The following SERGEF variants were observed in gnomAD, a reference collection of about 807,000 sequenced individuals.
SERGEF encodes secretion regulating guanine nucleotide exchange factor, also known as secretion-regulating guanine nucleotide exchange factor.
Under a neutral mutation model 50.0 loss-of-function variants are expected in SERGEF, and 51 were observed. That is an observed-to-expected ratio of 1.02 (90% confidence interval 0.81 to 1.29). The LOEUF (loss-of-function observed/expected upper bound fraction) is 1.29. Ranked by LOEUF, SERGEF falls within the 50% of genes most tolerant of loss-of-function variation. The pLI, the probability that SERGEF is intolerant of heterozygous loss-of-function variation, is 0.00. For synonymous variants in SERGEF, 205 were observed against 212.4 expected (o/e 0.97, Z 0.30); for missense variants, 521 against 557.0 (o/e 0.94, Z 0.65).
At chr11:17,899,324 G>A (rs929733743) in intron 9 of SERGEF, among the ~76,000 whole-genome samples, 7 of 152,092 alleles carry the variant, frequency 4.6e-5, no homozygotes, top group African/African-American at 1.7e-4. Flanking sequence ...ATTTCCATCA[G>A]TAATAATATA....
intron 8 of SERGEF, among the ~76,000 whole-genome samples, chr11:17,981,706 G>A (rs1853498461): frequency 6.6e-6 from 1 of 152,132 alleles, no homozygotes; most frequent in African/African-American, 2.4e-5. Context: ...CGCTTCTCAG[G>A]AACCATTTCC....
rs1446015094 is a variant in SERGEF at position 17,896,770 on chromosome 11, GT to G, written c.1012-18527del. On this transcript the variant is annotated intron_variant, in intron 9 of 10. Coordinates refer to ENST00000265965, the MANE Select transcript of SERGEF (RefSeq NM_012139.4). ...AACGGAAGGGTAAGGGAAGGGAAGG[GT>G]AAGGGAAGGGTAAGGGAAGGGTAAG... 1.9e-3 allele frequency among the ~76,000 whole-genome samples: 223 copies of G among 120,464 alleles called. 2 individuals carry two copies. The highest frequency in any genetic ancestry group is 5.2e-3 in the East Asian group (21 of 4,018). The allele number at this position is 120,464 out of a possible 152,430, so 79.0% of individuals were successfully genotyped here.
rs922858650 is a variant in SERGEF at position 17,888,473 on chromosome 11, G to T, written c.1012-10229C>A. 6.6e-6 allele frequency among the ~76,000 whole-genome samples: 1 copy of T among 152,056 alleles called. No homozygotes were observed. Among genetic ancestry groups the T allele is most frequent in the Non-Finnish European group, 1.5e-5 (1 of 68,022 alleles). ...ATTCTGAAAGTATTTTGTATATATT[G>T]TGGGACCATGCAAATGAGGAAATAT... On this transcript the variant is annotated intron_variant, in intron 9 of 10. Coordinates refer to ENST00000265965, the MANE Select transcript of SERGEF (RefSeq NM_012139.4). This position sits in a 1 kb window ranked among gnomAD's most constrained non-coding sequence, Gnocchi z 4.1.
intron 10 of SERGEF, among the ~76,000 whole-genome samples, chr11:17,849,321 G>A (rs1225006850): frequency 2.6e-5 from 4 of 152,110 alleles, no homozygotes; most frequent in Admixed American, 6.6e-5. Context: ...AATCCAAAAA[G>A]CATTTCCTGA....
chr11:17,887,232 T>A (rs117691016), intron 9 of SERGEF, among the ~76,000 whole-genome samples: 3,438 of 152,318 alleles, frequency 0.023, 60 homozygotes, highest in Non-Finnish European at 0.033. Flanking sequence ...ATTGTTCTTT[T>A]ATAAGGCATT....
chr11:17,859,032 A>T (rs1689076279), intron 10 of SERGEF, among the ~76,000 whole-genome samples: 1 of 152,190 alleles, frequency 6.6e-6, no homozygotes. Flanking sequence ...CAGTTGATGC[A>T]GGCCATAGAG....
intron 9 of SERGEF, among the ~76,000 whole-genome samples, chr11:17,946,107 CATT>C (rs1380830601): frequency 6.6e-6 from 1 of 152,186 alleles, no homozygotes; most frequent in African/African-American, 2.4e-5. Context: ...AACTGCTTCT[CATT>C]ATACAGATTA....
chr11:17,926,423 C>T (rs1852250405), intron 9 of SERGEF, among the ~76,000 whole-genome samples: 1 of 152,146 alleles, frequency 6.6e-6, no homozygotes, highest in African/African-American at 2.4e-5. Flanking sequence ...GATGGAAAAC[C>T]TGCATGGCTA....
intron 9 of SERGEF, among the ~76,000 whole-genome samples, chr11:17,956,236 A>G (rs535396326): frequency 1.6e-4 from 24 of 152,362 alleles, no homozygotes; most frequent in Admixed American, 1.2e-3. Context: ...TTAGGGCATT[A>G]GAGACCCTTA....
chr11:17,893,086 C>T (rs1323047683), intron 9 of SERGEF, among the ~76,000 whole-genome samples: 1 of 152,210 alleles, frequency 6.6e-6, no homozygotes, highest in Admixed American at 6.5e-5. Flanking sequence ...GCCAGGCCAG[C>T]TCACAGCAAC....
At chr11:17,978,905 T>A (rs931163426) in intron 8 of SERGEF, among the ~76,000 whole-genome samples, 4 of 152,204 alleles carry the variant, frequency 2.6e-5, no homozygotes, top group Non-Finnish European at 4.4e-5. Flanking sequence ...CAGCCCCTTG[T>A]CGAATACACC....
intron 10 of SERGEF, among the ~76,000 whole-genome samples, chr11:17,837,827 C>T (rs1199540173): frequency 6.6e-6 from 1 of 151,782 alleles, no homozygotes; most frequent in Non-Finnish European, 1.5e-5. Flanking sequence ...CCACGCCCGG[C>T]TAATTTTTGT....
chr11:17,949,628 G>C (rs2133963003), intron 9 of SERGEF, among the ~76,000 whole-genome samples: 1 of 152,206 alleles, frequency 6.6e-6, no homozygotes, highest in African/African-American at 2.4e-5. Flanking sequence ...AAGCAGGAGG[G>C]AGAAAGTGTT....
At chr11:17,977,758 C>T (rs759584800) in intron 8 of SERGEF, among the ~76,000 whole-genome samples, 11 of 152,116 alleles carry the variant, frequency 7.2e-5, no homozygotes, top group Non-Finnish European at 1.5e-4. Context: ...AAAGAAACCC[C>T]AGAGAGCTCC....
chr11:17,852,724 T>TA (rs1306694328), intron 10 of SERGEF, among the ~76,000 whole-genome samples: 1 of 152,226 alleles, frequency 6.6e-6, no homozygotes, highest in East Asian at 1.9e-4. Context: ...AGCATTTACA[T>TA]AAACACTTTC....
intron 10 of SERGEF, among the ~76,000 whole-genome samples, chr11:17,831,759 G>A (rs1850311867): frequency 6.6e-6 from 1 of 152,160 alleles, no homozygotes; most frequent in Admixed American, 6.5e-5. Flanking sequence ...TGAAGACAGG[G>A]TAAGTTTCCC....
intron 6 of SERGEF, 62 bp from the exon 7 acceptor site, chr11:17,993,055 G>C: frequency 2.1e-6 from 3 of 1,412,562 alleles, no homozygotes; most frequent in Non-Finnish European, 3.0e-6. Flanking sequence ...GGCAGAGAGG[G>C]GGCACTCAGC....
intron 10 of SERGEF, among the ~76,000 whole-genome samples, chr11:17,865,369 T>G (rs907813512): frequency 2.0e-5 from 3 of 152,358 alleles, no homozygotes; most frequent in Middle Eastern, 3.4e-3. Flanking sequence ...ATTGTTATTT[T>G]GGAGTGTATT....
intron 10 of SERGEF, among the ~76,000 whole-genome samples, chr11:17,831,330 G>T (rs1409695609): frequency 2.0e-5 from 3 of 152,192 alleles, no homozygotes; most frequent in Admixed American, 1.3e-4. Flanking sequence ...CAGGCTGGGT[G>T]CCTGGCCTAT....
Sources: allele counts gnomAD v4.1 joint callset (sites outside exome capture counted in the v4.1 genomes callset), GRCh38; gene constraint gnomAD v4.1.1; non-coding constraint Gnocchi (gnomAD v3.1); transcripts MANE v1.5; gene names NCBI Gene and HGNC (gene_info 2026-07-23, HGNC 2026-07-21).